The following CSMD2 variants were observed in gnomAD, a reference collection of about 807,000 sequenced individuals.
CSMD2 encodes CUB and sushi domain-containing protein 2.
CSMD2 carries 130 observed loss-of-function variants against 398.5 expected under a neutral mutation model. The ratio of observed to expected loss-of-function variants is 0.33; its 90% confidence interval spans 0.28 to 0.38. The LOEUF is 0.38. CSMD2 is among the 10% of genes least tolerant of loss of function. The pLI is 1.00. For synonymous variants in CSMD2, 1,828 were observed against 1,908.5 expected (o/e 0.96, Z 1.10); for missense variants, 3,829 against 4,764.9 (o/e 0.80, Z 5.78).
chr1:33,739,375 G>T lies in CSMD2; in HGVS notation c.2174-41C>A, dbSNP rs111240185. Reference sequence around the variant, plus strand: ...TCAAGGACATGATCAGACATTGCTGGAGTAGAGAAGAATCCCTAAAGAAAA... The same window carrying T: ...TCAAGGACATGATCAGACATTGCTGTAGTAGAGAAGAATCCCTAAAGAAAA... On this transcript the variant is annotated intron_variant, in intron 14 of 70. Transcript: ENST00000373381. 2,042 of 1,535,008 alleles carry T rather than the reference G, an allele frequency of 1.3e-3. 19 individuals are homozygous for T. The African/African-American group carries it at 0.024, about 18-fold the overall frequency.
intron 19 of CSMD2, among the ~76,000 whole-genome samples, chr1:33,721,940 T>C (rs1646372075): frequency 6.6e-6 from 1 of 152,256 alleles, no homozygotes; most frequent in African/African-American, 2.4e-5. Flanking sequence ...CAAGGATGTC[T>C]TTTAAACTAA....
At chr1:34,033,948 A>C (rs981039102) in intron 2 of CSMD2, among the ~76,000 whole-genome samples, 12 of 152,182 alleles carry the variant, frequency 7.9e-5, no homozygotes, top group African/African-American at 2.9e-4. Context: ...AAGAAAAAGC[A>C]AAGAAAAAAT....
chr1:33,998,374 C>A (rs906682602), intron 3 of CSMD2, among the ~76,000 whole-genome samples: 1 of 152,166 alleles, frequency 6.6e-6, no homozygotes, highest in African/African-American at 2.4e-5. Flanking sequence ...ATAAATTTCC[C>A]AGTTTCAGGT....
At chr1:34,082,921 A>G (rs1657417462) in intron 2 of CSMD2, among the ~76,000 whole-genome samples, 1 of 152,196 alleles carries the variant, frequency 6.6e-6, no homozygotes, top group African/African-American at 2.4e-5. Flanking sequence ...ACCCAGGGAC[A>G]CAAACACTGC....
intron 7 of CSMD2, among the ~76,000 whole-genome samples, chr1:33,823,365 A>G (rs1019224402): frequency 3.3e-5 from 5 of 149,736 alleles, no homozygotes; most frequent in African/African-American, 1.2e-4. Flanking sequence ...TGTCTGAATT[A>G]TGGAGGCAAG....
chr1:33,683,151 T>C (rs1644960778), intron 25 of CSMD2, among the ~76,000 whole-genome samples: 1 of 152,244 alleles, frequency 6.6e-6, no homozygotes, highest in Admixed American at 6.5e-5. Flanking sequence ...ATTTTAGTTG[T>C]TGCTGTGTGT....
Position 34,093,584 on chromosome 1 carries a change from C to A in CSMD2, c.188-4391G>T, listed in dbSNP as rs200804805. Reference sequence around the variant, plus strand: ...TTAAAGGAGCTGATGGAGCTGAAAACCAAGGCTCGAGAACTACATGAAGAA... The same window carrying A: ...TTAAAGGAGCTGATGGAGCTGAAAAACAAGGCTCGAGAACTACATGAAGAA... On this transcript the variant is annotated intron_variant, in intron 1 of 70. Transcript: ENST00000373381. 5.8e-3 allele frequency among the ~76,000 whole-genome samples: 878 copies of A among 151,760 alleles called. 6 individuals carry two copies. Among genetic ancestry groups the A allele is most frequent in the East Asian group, 0.051 (261 of 5,152 alleles).
chr1:33,926,647 A>AGGTT (rs1644136771), intron 4 of CSMD2, among the ~76,000 whole-genome samples: 1 of 152,178 alleles, frequency 6.6e-6, no homozygotes, highest in East Asian at 1.9e-4. Context: ...ATAAAATATA[A>AGGTT]CCTTCAGCTG....
At chr1:33,904,099 A>C (rs146892633) in intron 5 of CSMD2, among the ~76,000 whole-genome samples, 66 of 152,318 alleles carry the variant, frequency 4.3e-4, no homozygotes, top group Middle Eastern at 3.4e-3. Context: ...TTTATTCTAA[A>C]TGTGATAGTA....
At chr1:34,090,992 G>A (rs554747750) in intron 1 of CSMD2, among the ~76,000 whole-genome samples, 4 of 152,244 alleles carry the variant, frequency 2.6e-5, no homozygotes, top group Admixed American at 6.5e-5. Flanking sequence ...ACCTTTGCGC[G>A]GTTCTCTCTG....
chr1:33,981,326 G>A (rs962627996), intron 3 of CSMD2, among the ~76,000 whole-genome samples: 29 of 152,180 alleles, frequency 1.9e-4, no homozygotes, highest in Admixed American at 1.8e-3. Flanking sequence ...GCTGTTTGCA[G>A]CTTCCACCCT....
At chr1:33,769,376 T>G (rs1201241132) in intron 13 of CSMD2, among the ~76,000 whole-genome samples, 1 of 152,170 alleles carries the variant, frequency 6.6e-6, no homozygotes, top group Non-Finnish European at 1.5e-5. Flanking sequence ...ATAGCTTGAA[T>G]GGATGGAAAG....
chr1:33,851,179 C>T (rs771248743), intron 5 of CSMD2, among the ~76,000 whole-genome samples: 14 of 152,132 alleles, frequency 9.2e-5, no homozygotes, highest in Non-Finnish European at 1.8e-4. Flanking sequence ...GCACTGTGCT[C>T]GCAAGTGAGG....
At chr1:33,742,847 C>A (rs1416064315) in intron 14 of CSMD2, among the ~76,000 whole-genome samples, 1 of 152,094 alleles carries the variant, frequency 6.6e-6, no homozygotes, top group Non-Finnish European at 1.5e-5. Context: ...AGCCCCGGCA[C>A]GAACTCAGAG....
chr1:34,022,826 G>A (rs1649098311), intron 3 of CSMD2, among the ~76,000 whole-genome samples: 1 of 152,126 alleles, frequency 6.6e-6, no homozygotes, highest in South Asian at 2.1e-4. Context: ...TTCCATTGTT[G>A]TTGTTGGTTT....
chr1:33,906,940 G>C (rs1052154359), intron 5 of CSMD2, among the ~76,000 whole-genome samples: 7 of 152,056 alleles, frequency 4.6e-5, no homozygotes, highest in African/African-American at 1.7e-4. Flanking sequence ...GAATCAGAAA[G>C]AGTGGCATGG....
At chr1:33,703,807 G>A (rs1366387789) in intron 22 of CSMD2, among the ~76,000 whole-genome samples, 1 of 152,172 alleles carries the variant, frequency 6.6e-6, no homozygotes, top group Non-Finnish European at 1.5e-5. Context: ...ACGTCTGACA[G>A]CTTTCATTGC....
chr1:34,135,917 G>C (rs1434584507), intron 1 of CSMD2, among the ~76,000 whole-genome samples: 1 of 152,156 alleles, frequency 6.6e-6, no homozygotes, highest in Non-Finnish European at 1.5e-5. Flanking sequence ...CTGCAGTGGG[G>C]AGAAGGGCTT....
In CSMD2 at chr1:34,096,109, C is replaced by T. The variant is rs965041518; in HGVS notation, c.188-6916G>A. Among the ~76,000 whole-genome samples, 200 of 152,038 alleles carry T rather than the reference C, an allele frequency of 1.3e-3. 1 individual carries two copies. Among genetic ancestry groups the T allele is most frequent in the African/African-American group, 4.2e-3 (173 of 41,416 alleles). On this transcript the variant is annotated intron_variant, in intron 1 of 70. Coordinates refer to ENST00000373381, the MANE Select transcript of CSMD2 (RefSeq NM_001281956.2). Reference sequence around the variant, plus strand: ...TGGGATGCAAGGCTGGTTCAATATACGCAAATCAATAAATGTAATCCAGCA... The same window carrying T: ...TGGGATGCAAGGCTGGTTCAATATATGCAAATCAATAAATGTAATCCAGCA...
Sources: gnomAD v4.1 joint callset for allele counts (sites outside exome capture counted in the v4.1 genomes callset) on GRCh38, gnomAD v4.1.1 for gene constraint, MANE v1.5 for transcripts, NCBI Gene and HGNC (gene_info 2026-07-23, HGNC 2026-07-21) for gene names.